The following CORO2B variants were observed in gnomAD, a reference collection of about 807,000 sequenced individuals.
The protein encoded by CORO2B is coronin-2B.
In CORO2B, 26 loss-of-function variants were observed where a neutral mutation model predicts 58.8. The ratio of observed to expected loss-of-function variants is 0.44; its 90% CI spans 0.32 to 0.61. The LOEUF (loss-of-function observed/expected upper bound fraction) is 0.61. Ranked by LOEUF, CORO2B falls within the 20% of genes least tolerant of loss-of-function variation. The probability of loss-of-function intolerance (pLI) is 0.04; values close to 1 mark genes in which losing one functional copy is unlikely to be tolerated. For synonymous variants in CORO2B, 242 were observed against 253.8 expected (o/e 0.95, Z 0.44); for missense variants, 460 against 645.1 (o/e 0.71, Z 3.11).
chr15:68,645,430 G>C lies in CORO2B; in HGVS notation c.216+70G>C. The C allele has an allele frequency of 6.8e-7, 1 of 1,469,182 alleles. No individual in the cohort carries two copies. Among genetic ancestry groups the C allele is most frequent in the South Asian group, 1.2e-5 (1 of 84,042 alleles). 91.0% of individuals were successfully genotyped at this position (1,469,182 alleles called of 1,614,324 possible). A position where few individuals can be genotyped will look rare whatever the true frequency, so the allele number is the denominator to read the frequency against. On this transcript the variant is annotated intron_variant, in intron 2 of 11. Coordinates refer to ENST00000261861, the MANE Select transcript of CORO2B (RefSeq NM_006091.5). This position sits in a 1 kb window ranked among gnomAD's most constrained non-coding sequence, Gnocchi z 4.5. ...GAGGAGCCCTCCTTGGTCTCTCTTA[G>C]GCCTGTTGACCCTACTTCTCTCTGA...
At chr15:68,691,642 A>G (rs1437875824) in intron 2 of CORO2B, among the ~76,000 whole-genome samples, 31 of 149,016 alleles carry the variant, frequency 2.1e-4, no homozygotes, top group Non-Finnish European at 3.9e-4. Flanking sequence ...AAAAAAAAAA[A>G]AAAAGAAAAG....
chr15:68,535,149 C>G, the CORO2B span, among the ~76,000 whole-genome samples: 2 of 152,136 alleles, frequency 1.3e-5, no homozygotes, highest in African/African-American at 2.4e-5. Flanking sequence ...TTGCCCACCC[C>G]GAGGAAGGAT....
chr15:68,719,322 CT>C (rs2140333960), intron 10 of CORO2B, 88 bp downstream of exon 10: 1 of 1,598,360 alleles, frequency 6.3e-7, no homozygotes, highest in Non-Finnish European at 8.6e-7. Flanking sequence ...GTCTGTCCCC[CT>C]GTTTGAACTT....
intron 1 of CORO2B, among the ~76,000 whole-genome samples, chr15:68,614,974 T>A (rs1900320191): frequency 6.6e-6 from 1 of 152,220 alleles, no homozygotes; most frequent in African/African-American, 2.4e-5. Context: ...AGAGTCCTGT[T>A]TACCAGGCAC....
intron 2 of CORO2B, among the ~76,000 whole-genome samples, chr15:68,647,452 G>A (rs1244019212): frequency 6.6e-6 from 1 of 152,158 alleles, no homozygotes; most frequent in Non-Finnish European, 1.5e-5. Flanking sequence ...CACTTTGGGA[G>A]GCCAAGGCAG....
chr15:68,660,272 T>C (rs1901970638), intron 2 of CORO2B, among the ~76,000 whole-genome samples: 1 of 152,238 alleles, frequency 6.6e-6, no homozygotes, highest in Admixed American at 6.5e-5. Context: ...CTATGTCTTC[T>C]TCCTCATTGT....
chr15:68,723,865 A>G (rs1363794359), intron 11 of CORO2B, among the ~76,000 whole-genome samples: 1 of 152,162 alleles, frequency 6.6e-6, no homozygotes, highest in Non-Finnish European at 1.5e-5. Context: ...GCTTGAGCCC[A>G]GGAGTTTGAG....
intron 1 of CORO2B, among the ~76,000 whole-genome samples, chr15:68,613,322 A>G (rs1900282104): frequency 6.6e-6 from 1 of 152,222 alleles, no homozygotes; most frequent in African/African-American, 2.4e-5. Context: ...ACAAATCTTC[A>G]AACCCAGAGC....
At chr15:68,685,028 TGAAAAA>T (rs1902915860) in intron 2 of CORO2B, among the ~76,000 whole-genome samples, 1 of 152,132 alleles carries the variant, frequency 6.6e-6, no homozygotes, top group South Asian at 2.1e-4. Context: ...GGGTGGCCCA[TGAAAAA>T]ACATCTTTCA....
intron 2 of CORO2B, among the ~76,000 whole-genome samples, chr15:68,664,768 A>C (rs529572339): frequency 6.6e-6 from 1 of 152,356 alleles, no homozygotes; most frequent in South Asian, 2.1e-4. Context: ...TTTATTAAAA[A>C]TGAGGTTGAA....
chr15:68,719,290 G>T, intron 10 of CORO2B, 56 bp downstream of exon 10: 1 of 1,597,254 alleles, frequency 6.3e-7, no homozygotes, highest in East Asian at 2.2e-5. Context: ...TGCCTTCAGC[G>T]CAGCTCACCC....
intron 1 of CORO2B, among the ~76,000 whole-genome samples, chr15:68,604,886 C>T (rs1051880176): frequency 5.9e-5 from 9 of 152,096 alleles, no homozygotes; most frequent in East Asian, 1.9e-4. Context: ...GAGGCCAAGG[C>T]GGGCTGATCA....
intron 11 of CORO2B, among the ~76,000 whole-genome samples, chr15:68,723,906 C>G (rs964239062): frequency 6.6e-6 from 1 of 152,068 alleles, no homozygotes; most frequent in Non-Finnish European, 1.5e-5. Flanking sequence ...AAGACTCTAT[C>G]CCTAAAAAAT....
chr15:68,562,712 T>C, the CORO2B span, among the ~76,000 whole-genome samples: 1 of 152,062 alleles, frequency 6.6e-6, no homozygotes, highest in Non-Finnish European at 1.5e-5. Context: ...CGGTGGCTCA[T>C]GCCTGTAATT....
chr15:68,577,848 C>T (rs1369350018), upstream of CORO2B, among the ~76,000 whole-genome samples: 2 of 152,156 alleles, frequency 1.3e-5, no homozygotes, highest in African/African-American at 4.8e-5. Context: ...CCCATCTCCT[C>T]TCTGTTCCCC....
At position 68,719,252 on chromosome 15, in the gene CORO2B, T is replaced by C. The variant is rs370699684; in HGVS notation, c.1171+18T>C. On this transcript the variant is annotated intron_variant, in intron 10 of 11. Coordinates refer to ENST00000261861, the MANE Select transcript of CORO2B (RefSeq NM_006091.5). ...CAACCGAGGTACCACAGCGGGGGGCTCCACAGAGCACAGGCGGCTGCAGCC... is the reference window on the plus strand; with the variant it reads ...CAACCGAGGTACCACAGCGGGGGGCCCCACAGAGCACAGGCGGCTGCAGCC... 109 of 1,611,694 alleles carry C rather than the reference T, an allele frequency of 6.8e-5. No homozygotes were observed. Among genetic ancestry groups the C allele is most frequent in the Non-Finnish European group, 8.7e-5 (103 of 1,178,192 alleles).
At chr15:68,641,622 G>A (rs1477401572) in intron 1 of CORO2B, 3 of 984,414 alleles carry the variant, frequency 3.0e-6, no homozygotes, top group East Asian at 2.3e-4. Context: ...GGGCTCAGGA[G>A]AGCCTATCAG....
At chr15:68,524,749 G>C in the CORO2B span, among the ~76,000 whole-genome samples, 1 of 152,172 alleles carries the variant, frequency 6.6e-6, no homozygotes, top group Admixed American at 6.5e-5. Flanking sequence ...CTTCTTTTCT[G>C]TTGGAGGCTC....
intron 1 of CORO2B, among the ~76,000 whole-genome samples, chr15:68,597,111 C>G (rs1188541225): frequency 1.3e-5 from 2 of 151,780 alleles, no homozygotes; most frequent in African/African-American, 4.8e-5. Context: ...GAATTGGTGG[C>G]CTGCTCATTT....
Sources: gnomAD v4.1 joint callset for allele counts (sites outside exome capture counted in the v4.1 genomes callset) on GRCh38, gnomAD v4.1.1 for gene constraint, Gnocchi (gnomAD v3.1) non-coding constraint, MANE v1.5 for transcripts, NCBI Gene and HGNC (gene_info 2026-07-23, HGNC 2026-07-21) for gene names.